The following ATAD1 variants were observed in gnomAD, a reference collection of about 807,000 sequenced individuals.
ATAD1 encodes the protein outer mitochondrial transmembrane helix translocase.
A neutral mutation model predicts 42.7 loss-of-function variants in ATAD1; 18 were observed. That is an observed-to-expected ratio of 0.42 (90% confidence interval 0.29 to 0.63). The LOEUF is 0.63. Among genes scored for constraint, ATAD1 ranks in the 20% least tolerant of loss-of-function variants. The pLI, the probability that ATAD1 is intolerant of heterozygous loss-of-function variation, is 0.19. For synonymous variants in ATAD1, 132 were observed against 143.1 expected, an observed-to-expected ratio of 0.92 and a Z score of 0.55; for missense variants, 294 against 440.4, an observed-to-expected ratio of 0.67 and a Z score of 2.98.
Position 87,814,453 on chromosome 10 carries a change from T to C in ATAD1, c.147A>G (p.Val49=), listed in dbSNP as rs201470981. Residue 49 remains valine, a synonymous_variant, in exon 2 of 10, where the codon GTA becomes GTG. Coordinates refer to ENST00000680024, the MANE Select transcript of ATAD1 (RefSeq NM_001321967.2). ...DAIDPTRKQK[V]EAQKQAEKLM... ...TCAATCATACCTGTTTCTGAGCTTCTACTTTTTGCTTTCTGGTTGGATCAA... is the reference window on the plus strand; with the variant it reads ...TCAATCATACCTGTTTCTGAGCTTCCACTTTTTGCTTTCTGGTTGGATCAA... 6 of 1,598,938 alleles carry C rather than the reference T, an allele frequency of 3.8e-6. No homozygotes were observed. Among genetic ancestry groups the C allele is most frequent in the Non-Finnish European group, 8.5e-7 (1 of 1,173,256 alleles).
At chr10:87,781,412 C>T (rs985899584) in intron 5 of ATAD1, among the ~76,000 whole-genome samples, 12 of 152,036 alleles carry the variant, frequency 7.9e-5, no homozygotes, top group African/African-American at 2.9e-4. Context: ...TAAATATAGC[C>T]AAGGAAAGAA....
At chr10:87,785,737 AAAAG>A (rs900725042) in intron 4 of ATAD1, among the ~76,000 whole-genome samples, 2 of 151,748 alleles carry the variant, frequency 1.3e-5, no homozygotes, top group African/African-American at 4.8e-5. Context: ...TTTAAAAAAA[AAAAG>A]AAATCTGCAC....
chr10:87,803,206 T>C (rs1157379662), intron 2 of ATAD1, among the ~76,000 whole-genome samples: 1 of 152,208 alleles, frequency 6.6e-6, no homozygotes, highest in Non-Finnish European at 1.5e-5. Context: ...CCAGCTAAAA[T>C]TGAGCTTTCC....
intron 3 of ATAD1, among the ~76,000 whole-genome samples, chr10:87,792,372 G>A (rs1383719161): frequency 6.6e-6 from 1 of 152,192 alleles, no homozygotes; most frequent in Non-Finnish European, 1.5e-5. Context: ...CACTGCACAT[G>A]TGTTGTCACA....
At chr10:87,809,513 A>ACT (rs1857079709) in intron 2 of ATAD1, among the ~76,000 whole-genome samples, 1 of 146,140 alleles carries the variant, frequency 6.8e-6, no homozygotes, top group East Asian at 2.0e-4. Flanking sequence ...AGACGGGCAC[A>ACT]CTCAATTGAA....
intron 8 of ATAD1, among the ~76,000 whole-genome samples, chr10:87,763,629 T>C (rs751669733): frequency 6.6e-6 from 1 of 151,988 alleles, no homozygotes; most frequent in Non-Finnish European, 1.5e-5. Context: ...ACTATGATCA[T>C]ATCACAGCAC....
chr10:87,784,336 C>T (rs778456701), intron 5 of ATAD1, 134 bp downstream of exon 5: 10 of 758,938 alleles, frequency 1.3e-5, no homozygotes, highest in Non-Finnish European at 1.9e-5. Context: ...AGAAATTATA[C>T]ATAGCATATT....
intron 6 of ATAD1, among the ~76,000 whole-genome samples, chr10:87,774,632 A>C (rs1297907391): frequency 1.3e-5 from 2 of 152,156 alleles, no homozygotes; most frequent in Non-Finnish European, 2.9e-5. Context: ...AGAAAGACAG[A>C]AAATATGAAA....
upstream of ATAD1, chr10:87,818,976 G>C (rs369026301): frequency 6.6e-6 from 1 of 152,212 alleles, no homozygotes; most frequent in Non-Finnish European, 1.5e-5. Context: ...ACAAACTGCC[G>C]GTGGGCCAGA....
At chr10:87,825,766 A>G (rs1056662148) in intron 1 of ATAD1, among the ~76,000 whole-genome samples, 46 of 151,400 alleles carry the variant, frequency 3.0e-4, no homozygotes, top group Admixed American at 1.8e-3. Flanking sequence ...CAGTGTCTGG[A>G]TCATAGCTCA....
At chr10:87,768,401 C>T (rs1457766333) in intron 7 of ATAD1, among the ~76,000 whole-genome samples, 1 of 152,138 alleles carries the variant, frequency 6.6e-6, no homozygotes, top group East Asian at 1.9e-4. Context: ...ACAATGACTA[C>T]CAAATCAAAT....
At chr10:87,788,288 T>C (rs1397087651) in intron 4 of ATAD1, among the ~76,000 whole-genome samples, 1 of 152,174 alleles carries the variant, frequency 6.6e-6, no homozygotes, top group African/African-American at 2.4e-5. Context: ...TAACATAAAA[T>C]TGTCAATAAC....
At chr10:87,814,240 A>C (rs1857312087) in intron 2 of ATAD1, among the ~76,000 whole-genome samples, 198 bp downstream of exon 2, 1 of 152,106 alleles carries the variant, frequency 6.6e-6, no homozygotes, top group African/African-American at 2.4e-5. Flanking sequence ...TAAGTTGTTT[A>C]TATAGTAAAA....
chr10:87,817,670 G>A, intron 1 of ATAD1: 1 of 955,472 alleles, frequency 1.0e-6, no homozygotes, highest in Non-Finnish European at 1.2e-6. Context: ...ATGAAGGCCT[G>A]CCAATCTTCA....
chr10:87,817,755 T>C, intron 1 of ATAD1: 7 of 985,400 alleles, frequency 7.1e-6, no homozygotes, highest in Non-Finnish European at 8.4e-6. Flanking sequence ...CACCTTCGAT[T>C]TTGCACAAGG....
intron 2 of ATAD1, among the ~76,000 whole-genome samples, chr10:87,796,868 G>A (rs975902178): frequency 1.3e-5 from 2 of 152,174 alleles, no homozygotes; most frequent in Non-Finnish European, 2.9e-5. Flanking sequence ...AAATTTGGTG[G>A]AGACCTAAAG....
intron 8 of ATAD1, among the ~76,000 whole-genome samples, chr10:87,765,548 T>C (rs995149980): frequency 6.6e-6 from 1 of 151,896 alleles, no homozygotes; most frequent in Non-Finnish European, 1.5e-5. Flanking sequence ...AAAAATATTT[T>C]CAAATCATAC....
intron 4 of ATAD1, among the ~76,000 whole-genome samples, chr10:87,785,640 G>A (rs1381783362): frequency 6.7e-6 from 1 of 150,118 alleles, no homozygotes; most frequent in African/African-American, 2.4e-5. Flanking sequence ...ATCTGGAGGA[G>A]TCCAAAATTT....
At chr10:87,827,876 G>A (rs945481093) in intron 1 of ATAD1, among the ~76,000 whole-genome samples, 1 of 152,206 alleles carries the variant, frequency 6.6e-6, no homozygotes, top group African/African-American at 2.4e-5. Flanking sequence ...GTTGAAAGCT[G>A]AAATAGACCA....
Sources: gnomAD v4.1 joint callset for allele counts (sites outside exome capture counted in the v4.1 genomes callset) on GRCh38, gnomAD v4.1.1 for gene constraint, MANE v1.5 for transcripts, NCBI Gene and HGNC (gene_info 2026-07-23, HGNC 2026-07-21) for gene names.